Variants in LMO7 observed in about 807,000 individuals in gnomAD.
LMO7 encodes the protein LIM domain 7.
LMO7 carries 120 observed loss-of-function variants against 206.5 expected under a neutral mutation model. That is an observed-to-expected ratio of 0.58 (90% CI 0.50 to 0.68). The LOEUF is 0.68. LMO7 is among the 30% of genes least tolerant of loss of function. The probability of loss-of-function intolerance (pLI) is 0.00; values close to 1 mark genes in which losing one functional copy is unlikely to be tolerated. For missense variants in LMO7, 1,959 were observed against 1,957.9 expected, an observed-to-expected ratio of 1.00 and a Z score of -0.01; for synonymous variants, 706 against 681.5, an observed-to-expected ratio of 1.04 and a Z score of -0.56.
chr13:75,809,014 A>G, intron 10 of LMO7, 140 bp from the exon 11 acceptor site: 1 of 709,434 alleles, frequency 1.4e-6, no homozygotes, highest in Non-Finnish European at 2.5e-6. Context: ...TTGAGACATG[A>G]TCAAGAATGT....
intron 1 of LMO7, among the ~76,000 whole-genome samples, chr13:75,663,395 T>C (rs2038787218): frequency 6.6e-6 from 1 of 150,842 alleles, no homozygotes; most frequent in African/African-American, 2.4e-5. Flanking sequence ...AAGAAGTATG[T>C]CAGTGAATTC....
intron 15 of LMO7, among the ~76,000 whole-genome samples, chr13:75,824,396 C>G (rs918642574): frequency 6.6e-6 from 1 of 152,092 alleles, no homozygotes; most frequent in Non-Finnish European, 1.5e-5. Flanking sequence ...CTATAATTTT[C>G]GATGGTCCCT....
intron 3 of LMO7, among the ~76,000 whole-genome samples, chr13:75,758,843 A>G (rs1405728803): frequency 6.6e-6 from 1 of 152,206 alleles, no homozygotes; most frequent in Admixed American, 6.5e-5. Context: ...ATTCAGAACC[A>G]AATCAAATTG....
chr13:75,815,023 T>G (rs887257003), intron 11 of LMO7, among the ~76,000 whole-genome samples: 2 of 152,044 alleles, frequency 1.3e-5, no homozygotes, highest in African/African-American at 4.8e-5. Context: ...TCTTTAACTC[T>G]AATGAAATGG....
chr13:75,715,233 C>T lies in LMO7; in HGVS notation c.140+1981C>T, dbSNP rs76650699. Among the ~76,000 whole-genome samples the T allele has an allele frequency of 5.3e-3, 812 of 152,288 alleles. 6 individuals carry two copies. Among genetic ancestry groups the T allele is most frequent in the African/African-American group, 0.019 (782 of 41,554 alleles). ...AGAAGTGATTTCCAAAAGCTATACC[C>T]AGCCTGAAAAGATCTGCATAGTGTG... On this transcript the variant is annotated intron_variant, in intron 2 of 30. Transcript: ENST00000377534.
rs918134366 is a variant in LMO7 at position 75,628,984 on chromosome 13, G to C, written c.225+5664G>C. On this transcript the variant is annotated intron_variant, in intron 2 of 29. Coordinates refer to the LMO7 transcript ENST00000341547. ...GTGTAGAACAGTTGTCCTCCACAGG[G>C]GCTGATTTGCCCCCAGGGGACGTCT... Among the ~76,000 whole-genome samples the C allele has an allele frequency of 5.0e-4, 76 of 152,186 alleles. 3 individuals are homozygous for C. Among genetic ancestry groups the C allele is most frequent in the Non-Finnish European group, 2.9e-5 (2 of 68,022 alleles).
Position 75,807,691 on chromosome 13 carries a change from G to A in LMO7, c.1408G>A (p.Ala470Thr), listed in dbSNP as rs374771889. Residue 470 changes from alanine to threonine, a missense_variant, in exon 10 of 31, where the codon GCT becomes ACT. Physicochemically the swap from Ala to Thr is moderately conservative, Grantham distance 58 (BLOSUM62 0). Transcript: ENST00000377534. ...NDDFFVRKTG[A>T]FHANPYVLRA... is the part of the protein sequence containing the mutation. ...TGATTTCTTTGTCAGAAAGACTGGG[G>A]CTTTCCATGCAAATCCATATGTTCT... is the stretch of plus-strand genomic sequence containing the variant. The A allele has an allele frequency of 1.5e-5, 24 of 1,613,860 alleles. No individual in the cohort carries two copies. The highest frequency in any genetic ancestry group is 2.0e-5 in the Non-Finnish European group (24 of 1,179,902).
chr13:75,640,049 CT>C (rs2036370031), intron 1 of LMO7, among the ~76,000 whole-genome samples: 2 of 144,340 alleles, frequency 1.4e-5, no homozygotes, highest in South Asian at 4.4e-4. Flanking sequence ...ACTTTTTTGC[CT>C]TTGGTGCTAA....
chr13:75,842,330 T>A (rs752099137), intron 24 of LMO7, among the ~76,000 whole-genome samples: 10 of 152,158 alleles, frequency 6.6e-5, no homozygotes, highest in Non-Finnish European at 1.3e-4. Context: ...CAAGGACTTT[T>A]GTATTTTCTA....
At chr13:75,656,894 G>T (rs373946294) in intron 1 of LMO7, among the ~76,000 whole-genome samples, 17 of 152,164 alleles carry the variant, frequency 1.1e-4, no homozygotes, top group African/African-American at 3.6e-4. Flanking sequence ...ATATTACACT[G>T]CTCTGTGTCC....
intron 3 of LMO7, among the ~76,000 whole-genome samples, chr13:75,746,742 C>G (rs905045555): frequency 1.3e-5 from 2 of 151,888 alleles, no homozygotes; most frequent in African/African-American, 4.8e-5. Flanking sequence ...TTTTTATTAC[C>G]AGTTTTCTCC....
At chr13:75,831,436 A>G (rs1353802911) in intron 15 of LMO7, among the ~76,000 whole-genome samples, 1 of 152,190 alleles carries the variant, frequency 6.6e-6, no homozygotes, top group Non-Finnish European at 1.5e-5. Flanking sequence ...TCCTTTATTT[A>G]GTGCCTTCCT....
At chr13:75,746,763 C>A (rs928460213) in intron 3 of LMO7, among the ~76,000 whole-genome samples, 9 of 151,976 alleles carry the variant, frequency 5.9e-5, no homozygotes, top group African/African-American at 2.2e-4. Context: ...CTTCAGGCAT[C>A]TTTTTTTAAT....
chr13:75,734,523 G>C (rs1372287370), intron 3 of LMO7, among the ~76,000 whole-genome samples: 1 of 152,130 alleles, frequency 6.6e-6, no homozygotes, highest in Non-Finnish European at 1.5e-5. Flanking sequence ...AGATGTTAAA[G>C]GCATGGGTAA....
At chr13:75,737,645 C>A (rs1440206642) in intron 3 of LMO7, among the ~76,000 whole-genome samples, 1 of 142,668 alleles carries the variant, frequency 7.0e-6, no homozygotes, top group African/African-American at 2.6e-5. Context: ...CCCAGCTACT[C>A]GGGAGGCTGA....
intron 4 of LMO7, among the ~76,000 whole-genome samples, chr13:75,782,021 A>G (rs1443649615): frequency 6.6e-6 from 1 of 152,024 alleles, no homozygotes; most frequent in Non-Finnish European, 1.5e-5. Context: ...TAGATTCTGG[A>G]TATTAGCCCT....
intron 4 of LMO7, among the ~76,000 whole-genome samples, chr13:75,770,627 T>C (rs964748476): frequency 6.6e-6 from 1 of 152,146 alleles, no homozygotes; most frequent in Admixed American, 6.6e-5. Context: ...AAGGGAATGC[T>C]GGATTTGGAG....
At chr13:75,814,338 C>T (rs1326506895) in intron 11 of LMO7, among the ~76,000 whole-genome samples, 1 of 152,158 alleles carries the variant, frequency 6.6e-6, no homozygotes, top group Non-Finnish European at 1.5e-5. Context: ...AATATGTTTT[C>T]CTCCTAAGCA....
At chr13:75,795,546 T>A in intron 5 of LMO7, 115 bp downstream of exon 5, 1 of 721,304 alleles carries the variant, frequency 1.4e-6, no homozygotes, top group Non-Finnish European at 2.4e-6. Context: ...AATTTTTTGC[T>A]ACAAACCAAT....
Sources: gnomAD v4.1 joint callset for allele counts (sites outside exome capture counted in the v4.1 genomes callset) on GRCh38, gnomAD v4.1.1 for gene constraint, MANE v1.5 for transcripts, NCBI Gene and HGNC (gene_info 2026-07-23, HGNC 2026-07-21) for gene names.